Variants in CSMD3 observed in about 807,000 individuals in gnomAD.
The protein encoded by CSMD3 is CUB and sushi domain-containing protein 3.
CSMD3 carries 177 observed loss-of-function variants against 435.2 expected under a neutral mutation model. The ratio of observed to expected loss-of-function variants is 0.41; its 90% CI spans 0.36 to 0.46. The LOEUF (loss-of-function observed/expected upper bound fraction) is 0.46, where lower values mean the gene tolerates loss of function less well. Among genes scored for constraint, CSMD3 ranks in the 20% least tolerant of loss-of-function variants. The pLI is 0.34. For synonymous variants in CSMD3, 1,656 were observed against 1,520.5 expected (o/e 1.09, Z -2.07); for missense variants, 4,265 against 4,504.6 (o/e 0.95, Z 1.52).
At chr8:112,835,751 A>G (rs1307231900) in intron 11 of CSMD3, among the ~76,000 whole-genome samples, 3 of 151,922 alleles carry the variant, frequency 2.0e-5, no homozygotes, top group Non-Finnish European at 4.4e-5. Flanking sequence ...GTGGCACTGA[A>G]ATTCTAGAGC....
At position 112,337,630 on chromosome 8, in the gene CSMD3, G is replaced by T. The variant is rs1255940159; in HGVS notation, c.6754C>A (p.Pro2252Thr). The T allele has an allele frequency of 6.2e-7, 1 of 1,613,204 alleles. No individual in the cohort carries two copies. The highest frequency in any genetic ancestry group is 8.5e-7 in the Non-Finnish European group (1 of 1,179,276). The change falls in exon 43 of 71, where the codon CCA (proline) becomes ACA (threonine). Residue 2252 changes from proline (P) to threonine (T), a missense_variant. By Grantham distance (38) the Pro-to-Thr change is conservative. This residue lies in a region of CSMD3 where 3,255 missense variants were observed against 3,380.2 expected (regional missense o/e 0.96). Transcript: ENST00000297405. ...VGQTISFECF[P>T]GYTLIGNSAL... ...GAATTTCCAATTAATGTGTATCCTG[G>T]GAAACATTCAAATGAAATGGTTTGA...
chr8:113,280,337 T>G (rs553309740), intron 2 of CSMD3, among the ~76,000 whole-genome samples: 17 of 151,938 alleles, frequency 1.1e-4, no homozygotes, highest in African/African-American at 4.1e-4. Flanking sequence ...ATTTCAATCT[T>G]CCTACTTGTT....
chr8:112,747,037 A>AAGACTGTGTCATTTCCAAGAAAGGTACT (rs1367557827), intron 13 of CSMD3, among the ~76,000 whole-genome samples: 2 of 152,194 alleles, frequency 1.3e-5, no homozygotes, highest in East Asian at 3.9e-4. Context: ...GCTCAAATAC[A>AAGACTGTGTCATTTCCAAGAAAGGTACT]AGACTGTGTC....
chr8:113,005,528 T>C (rs1447148220), intron 6 of CSMD3, among the ~76,000 whole-genome samples: 1 of 151,968 alleles, frequency 6.6e-6, no homozygotes, highest in African/African-American at 2.4e-5. Context: ...AAATGTTTTG[T>C]CATCTGTAAG....
intron 5 of CSMD3, among the ~76,000 whole-genome samples, chr8:113,069,540 T>G (rs1028266467): frequency 1.3e-5 from 2 of 152,168 alleles, no homozygotes; most frequent in Admixed American, 1.3e-4. Flanking sequence ...AACAAAAATC[T>G]GACTTACAGT....
In CSMD3 at chr8:112,224,892, T is replaced by C; in HGVS notation, c.11003A>G (p.His3668Arg). 6.2e-7 allele frequency: 1 copy of C among 1,614,076 alleles called. No individual in the cohort carries two copies. The highest frequency in any genetic ancestry group is 1.3e-5 in the African/African-American group (1 of 75,048). ...AGCTGCTTGGCCATTGTTATTTTCA[T>C]GAACTGAACATCCTGTATACTGTGT... ...PKTQYTGCSV[H>R]ENNNGQAAFE... The change falls in exon 71 of 71, where the codon CAT becomes CGT. Residue 3668 changes from histidine (H) to arginine (R), a missense_variant. Physicochemically the swap from His to Arg is conservative, Grantham distance 29. Transcript: ENST00000297405.
At chr8:112,549,129 C>A (rs1322177745) in intron 27 of CSMD3, among the ~76,000 whole-genome samples, 1 of 151,898 alleles carries the variant, frequency 6.6e-6, no homozygotes, top group Non-Finnish European at 1.5e-5. Context: ...ATTGCAATAA[C>A]AATTTAAGTG....
chr8:113,200,928 C>T (rs573348337), intron 3 of CSMD3, among the ~76,000 whole-genome samples: 1 of 151,894 alleles, frequency 6.6e-6, no homozygotes, highest in South Asian at 2.1e-4. Flanking sequence ...CAATCTGTAG[C>T]ATCTAGAAAG....
intron 13 of CSMD3, among the ~76,000 whole-genome samples, chr8:112,774,160 C>T (rs1196646637): frequency 2.6e-5 from 4 of 151,956 alleles, no homozygotes; most frequent in Non-Finnish European, 4.4e-5. Flanking sequence ...GACGACATGC[C>T]TATCCCTGCT....
At chr8:112,653,380 C>T (rs2075178496) in intron 18 of CSMD3, among the ~76,000 whole-genome samples, 1 of 151,836 alleles carries the variant, frequency 6.6e-6, no homozygotes, top group Non-Finnish European at 1.5e-5. Context: ...TAACATTTTC[C>T]TAATTGGAAA....
intron 12 of CSMD3, among the ~76,000 whole-genome samples, chr8:112,821,765 G>A (rs1173668548): frequency 6.6e-6 from 1 of 152,150 alleles, no homozygotes; most frequent in Non-Finnish European, 1.5e-5. Context: ...CTTTCTTCTA[G>A]AGATTTTATG....
intron 2 of CSMD3, among the ~76,000 whole-genome samples, chr8:113,308,031 T>C (rs924697730): frequency 6.6e-6 from 1 of 152,292 alleles, no homozygotes; most frequent in East Asian, 1.9e-4. Context: ...AGAGTGTTTC[T>C]CTATTTTACA....
chr8:112,759,864 T>C (rs1347630714), intron 13 of CSMD3, among the ~76,000 whole-genome samples: 2 of 152,100 alleles, frequency 1.3e-5, no homozygotes, highest in African/African-American at 2.4e-5. Context: ...CTCAGAATAA[T>C]AGCTATTATT....
intron 4 of CSMD3, among the ~76,000 whole-genome samples, chr8:113,157,116 T>C (rs2091950024): frequency 6.6e-6 from 1 of 152,070 alleles, no homozygotes; most frequent in Non-Finnish European, 1.5e-5. Flanking sequence ...TTGGTAGGAA[T>C]ATAAAATGGT....
chr8:112,855,560 G>T (rs1461370542), intron 11 of CSMD3, among the ~76,000 whole-genome samples: 2 of 151,816 alleles, frequency 1.3e-5, no homozygotes, highest in Admixed American at 6.6e-5. Context: ...TCTATATAAG[G>T]ATAAATAGAG....
intron 5 of CSMD3, among the ~76,000 whole-genome samples, chr8:113,049,555 T>C (rs1036963327): frequency 6.6e-6 from 1 of 152,076 alleles, no homozygotes; most frequent in Non-Finnish European, 1.5e-5. Flanking sequence ...ATAGGAAACA[T>C]AAAATCACAG....
intron 3 of CSMD3, among the ~76,000 whole-genome samples, chr8:113,253,646 C>G (rs1303914967): frequency 6.6e-6 from 1 of 151,808 alleles, no homozygotes; most frequent in African/African-American, 2.4e-5. Flanking sequence ...TCAAGACCAT[C>G]CTGGCCAACA....
chr8:112,675,900 A>G (rs772595404), intron 16 of CSMD3, among the ~76,000 whole-genome samples: 6 of 152,148 alleles, frequency 3.9e-5, no homozygotes, highest in Non-Finnish European at 8.8e-5. Context: ...CAGTGGAGGT[A>G]GTAAGAAATA....
At chr8:112,388,313 T>C (rs1262883797) in intron 36 of CSMD3, among the ~76,000 whole-genome samples, 2 of 152,270 alleles carry the variant, frequency 1.3e-5, no homozygotes, top group East Asian at 3.9e-4. Flanking sequence ...ATTAGATTTT[T>C]ACTTTCAGAT....
Sources: gnomAD v4.1 joint callset for allele counts (sites outside exome capture counted in the v4.1 genomes callset) on GRCh38, gnomAD v4.1.1 for gene constraint, gnomAD v4.1.1 regional missense constraint, MANE v1.5 for transcripts, NCBI Gene and HGNC (gene_info 2026-07-23, HGNC 2026-07-21) for gene names.